The following ITGA8 variants were observed in gnomAD, a reference collection of about 807,000 sequenced individuals.
The protein encoded by ITGA8 is integrin subunit alpha 8.
Under a neutral mutation model 142.3 loss-of-function variants are expected in ITGA8, and 91 were observed. That is an observed-to-expected ratio of 0.64 (90% CI 0.54 to 0.76). ITGA8 has a LOEUF of 0.76. ITGA8 is among the 30% of genes least tolerant of loss of function. The pLI is 0.00. For synonymous variants in ITGA8, 505 were observed against 485.2 expected, an observed-to-expected ratio of 1.04 and a Z score of -0.54; for missense variants, 1,406 against 1,327.7, an observed-to-expected ratio of 1.06 and a Z score of -0.92.
At chr10:15,644,418 C>T (rs1833929319) in intron 12 of ITGA8, among the ~76,000 whole-genome samples, 197 bp from the exon 13 acceptor site, 1 of 122,034 alleles carries the variant, frequency 8.2e-6, no homozygotes, top group African/African-American at 3.2e-5. Context: ...CAGGTGCATA[C>T]CACCATGTCA....
intron 13 of ITGA8, among the ~76,000 whole-genome samples, chr10:15,630,534 T>C (rs1833665620): frequency 6.6e-6 from 1 of 151,970 alleles, no homozygotes; most frequent in African/African-American, 2.4e-5. Flanking sequence ...CTGAGATCAT[T>C]GTTTTCAGGG....
intron 23 of ITGA8, among the ~76,000 whole-genome samples, chr10:15,579,202 A>G (rs1318541177): frequency 6.6e-6 from 1 of 152,076 alleles, no homozygotes; most frequent in Non-Finnish European, 1.5e-5. Flanking sequence ...TAAATGGCTA[A>G]AAAGGATTTT....
At position 15,531,138 on chromosome 10, in the gene ITGA8, G is replaced by T; in HGVS notation, c.2894C>A (p.Pro965His). ...AHTFLQRKND[P>H]YALASLVSFE... ...GGACACCAGGGATGCAAGAGCATAGGGATCATTTTTTCTCTGAAAGTAAAA... is the reference window on the plus strand; with the variant it reads ...GGACACCAGGGATGCAAGAGCATAGTGATCATTTTTTCTCTGAAAGTAAAA... The change falls in exon 28 of 30, where the codon CCC becomes CAC. Residue 965 changes from proline to histidine, a missense_variant. Coordinates refer to ENST00000378076, the MANE Select transcript of ITGA8 (RefSeq NM_003638.3). 1 of 1,507,710 alleles carries T rather than the reference G, an allele frequency of 6.6e-7. No homozygotes were observed. The highest frequency in any genetic ancestry group is 8.8e-7 in the Non-Finnish European group (1 of 1,130,930). The allele number at this position is 1,507,710 out of a possible 1,614,324, so 93.4% of individuals were successfully genotyped here.
chr10:15,645,158 T>C (rs1384710298), intron 12 of ITGA8, among the ~76,000 whole-genome samples: 4 of 148,498 alleles, frequency 2.7e-5, no homozygotes, highest in Admixed American at 6.7e-5. Flanking sequence ...AATAAAGATA[T>C]TGTCTTGTGT....
chr10:15,536,748 G>T (rs988063676), intron 27 of ITGA8, among the ~76,000 whole-genome samples: 5 of 152,086 alleles, frequency 3.3e-5, no homozygotes, highest in Admixed American at 2.6e-4. Flanking sequence ...TTAAACCATG[G>T]TTTGTAGCTC....
intron 13 of ITGA8, among the ~76,000 whole-genome samples, chr10:15,630,314 G>T (rs549202452): frequency 6.6e-6 from 1 of 152,194 alleles, no homozygotes; most frequent in South Asian, 2.1e-4. Flanking sequence ...AAGGATGCTG[G>T]TTTATTTATT....
At position 15,514,158 on chromosome 10, in the gene ITGA8, C is replaced by T. The variant is rs1310566735; in HGVS notation, c.*3000G>A. On this transcript the variant is annotated 3_prime_UTR_variant, in exon 30 of 30. Transcript: ENST00000378076. Reference sequence around the variant, plus strand: ...TTTGCCCCATTATTGTGTCTTAAAACCCAGCTGCAAGAATTTAAAAAGGGA... The same window carrying T: ...TTTGCCCCATTATTGTGTCTTAAAATCCAGCTGCAAGAATTTAAAAAGGGA... 6.6e-6 allele frequency: 1 copy of T among 152,084 alleles called. No individual in the cohort carries two copies. The highest frequency in any genetic ancestry group is 2.4e-5 in the African/African-American group (1 of 41,408). 9.4% of individuals were successfully genotyped at this position (152,084 alleles called of 1,614,324 possible). A position where few individuals can be genotyped will look rare whatever the true frequency, so the allele number is the denominator to read the frequency against.
At chr10:15,532,501 C>A (rs559219431) in intron 27 of ITGA8, among the ~76,000 whole-genome samples, 9 of 148,250 alleles carry the variant, frequency 6.1e-5, no homozygotes, top group African/African-American at 1.0e-4. Context: ...CAGTTAAGAA[C>A]CACTGACCTA....
At chr10:15,618,924 T>G (rs1223508406) in intron 13 of ITGA8, among the ~76,000 whole-genome samples, 1 of 152,242 alleles carries the variant, frequency 6.6e-6, no homozygotes, top group Non-Finnish European at 1.5e-5. Context: ...CCCTGACTGA[T>G]ACACTGTACA....
intron 22 of ITGA8, among the ~76,000 whole-genome samples, chr10:15,590,940 T>C (rs932857968): frequency 2.0e-5 from 3 of 152,208 alleles, no homozygotes; most frequent in Non-Finnish European, 4.4e-5. Context: ...TCTAGAAATC[T>C]ATACAAAGTT....
intron 2 of ITGA8, among the ~76,000 whole-genome samples, chr10:15,711,204 A>T (rs952593313): frequency 3.9e-5 from 6 of 152,212 alleles, no homozygotes; most frequent in Non-Finnish European, 8.8e-5. Context: ...CACTCTTCTT[A>T]TCAAACACAT....
At chr10:15,671,679 C>T (rs764910188) in intron 7 of ITGA8, 32 bp from the exon 8 acceptor site, 19 of 1,551,846 alleles carry the variant, frequency 1.2e-5, no homozygotes, top group African/African-American at 4.1e-5. Context: ...AAACTAATCA[C>T]ACTTAATGAC....
At chr10:15,622,607 A>AAAAC (rs1833511082) in intron 13 of ITGA8, among the ~76,000 whole-genome samples, 1 of 91,398 alleles carries the variant, frequency 1.1e-5, no homozygotes, top group African/African-American at 3.0e-5. Flanking sequence ...CAAAACAAAA[A>AAAAC]AAAAACCACA....
intron 2 of ITGA8, 67 bp downstream of exon 2, chr10:15,718,699 C>G (rs918199465): frequency 2.0e-5 from 31 of 1,585,750 alleles, no homozygotes; most frequent in Non-Finnish European, 2.6e-5. Context: ...AGCGGGAAGT[C>G]GCCTCTGGGA....
At chr10:15,664,347 T>G (rs1243677155) in intron 8 of ITGA8, among the ~76,000 whole-genome samples, 1 of 152,190 alleles carries the variant, frequency 6.6e-6, no homozygotes, top group Non-Finnish European at 1.5e-5. Context: ...AATTAGTTTG[T>G]ACCTAAAAGA....
intron 14 of ITGA8, among the ~76,000 whole-genome samples, chr10:15,614,110 A>G (rs912125007): frequency 3.3e-5 from 5 of 152,240 alleles, no homozygotes; most frequent in African/African-American, 1.2e-4. Context: ...CTGCTAGCAT[A>G]TCTACATCTG....
chr10:15,573,658 T>C (rs1386466656), intron 24 of ITGA8, among the ~76,000 whole-genome samples: 2 of 152,128 alleles, frequency 1.3e-5, no homozygotes, highest in African/African-American at 2.4e-5. Flanking sequence ...TTGTTAATCT[T>C]AGAGGATGTT....
intron 21 of ITGA8, among the ~76,000 whole-genome samples, chr10:15,595,458 T>C (rs950046221): frequency 2.0e-5 from 3 of 152,270 alleles, no homozygotes; most frequent in Non-Finnish European, 4.4e-5. Context: ...TTTCTTTTAC[T>C]ATAGACCTCA....
At chr10:15,690,410 A>G (rs1834911936) in intron 2 of ITGA8, among the ~76,000 whole-genome samples, 1 of 152,196 alleles carries the variant, frequency 6.6e-6, no homozygotes, top group South Asian at 2.1e-4. Flanking sequence ...GATCACTGTC[A>G]TAGCTCCATC....
Sources: allele counts gnomAD v4.1 joint callset (sites outside exome capture counted in the v4.1 genomes callset), GRCh38; gene constraint gnomAD v4.1.1; transcripts MANE v1.5; gene names NCBI Gene and HGNC (gene_info 2026-07-23, HGNC 2026-07-21).